MACROD2: variants seen among roughly 807,000 people sequenced by gnomAD.
MACROD2 encodes the protein mono-ADP ribosylhydrolase 2.
Under a neutral mutation model 70.4 loss-of-function variants are expected in MACROD2, and 36 were observed. That is an observed-to-expected ratio of 0.51 (90% CI 0.39 to 0.68). The LOEUF is 0.68. Among genes scored for constraint, MACROD2 ranks in the 30% least tolerant of loss-of-function variants. MACROD2 has a pLI of 0.00. For synonymous variants in MACROD2, 172 were observed against 178.8 expected (o/e 0.96, Z 0.30); for missense variants, 496 against 538.4 (o/e 0.92, Z 0.78).
chr20:15,034,651 T>G (rs2075299661), intron 5 of MACROD2, among the ~76,000 whole-genome samples: 2 of 152,194 alleles, frequency 1.3e-5, no homozygotes, highest in Non-Finnish European at 2.9e-5. Context: ...TAGCATTCAA[T>G]TTGTTTGCCC....
intron 6 of MACROD2, among the ~76,000 whole-genome samples, chr20:15,312,833 A>G (rs912161843): frequency 6.6e-6 from 1 of 152,138 alleles, no homozygotes; most frequent in Admixed American, 6.5e-5. Context: ...ATGTGTGTGT[A>G]TATATGTGTG....
intron 9 of MACROD2, among the ~76,000 whole-genome samples, chr20:15,863,303 A>T (rs1308513633): frequency 6.6e-6 from 1 of 152,116 alleles, no homozygotes; most frequent in East Asian, 1.9e-4. Flanking sequence ...TCCAAATTTC[A>T]ATGCCTATAG....
chr20:14,803,530 G>A (rs1002475915), intron 5 of MACROD2, among the ~76,000 whole-genome samples: 18 of 152,002 alleles, frequency 1.2e-4, no homozygotes, highest in Non-Finnish European at 2.9e-5. Flanking sequence ...GCCCAGGCTG[G>A]AGTTCAATGG....
intron 5 of MACROD2, among the ~76,000 whole-genome samples, chr20:14,891,146 T>C (rs1284171227): frequency 1.3e-5 from 2 of 152,134 alleles, no homozygotes; most frequent in African/African-American, 4.8e-5. Flanking sequence ...CAGTATGATT[T>C]TAATGAATCC....
At chr20:15,082,833 T>C (rs1347624530) in intron 5 of MACROD2, among the ~76,000 whole-genome samples, 1 of 152,118 alleles carries the variant, frequency 6.6e-6, no homozygotes, top group Non-Finnish European at 1.5e-5. Flanking sequence ...TTTTCTGCAA[T>C]AGAAATAACA....
Position 14,452,096 on chromosome 20 carries a change from C to A in MACROD2, c.272-41383C>A, listed in dbSNP as rs1305401277. Among the ~76,000 whole-genome samples, 3 of 152,098 alleles carry A rather than the reference C, an allele frequency of 2.0e-5. No individual in the cohort carries two copies. The East Asian group carries it at 5.8e-4, about 29-fold the overall frequency. ...ATTTCTGACCCAGAGGCTTCTGATTCTTCTATCTACTGATGGAATGGAGAA... is the reference window on the plus strand; with the variant it reads ...ATTTCTGACCCAGAGGCTTCTGATTATTCTATCTACTGATGGAATGGAGAA... On this transcript the variant is annotated intron_variant, in intron 3 of 17. Coordinates refer to ENST00000684519, the MANE Select transcript of MACROD2 (RefSeq NM_001351661.2).
intron 7 of MACROD2, among the ~76,000 whole-genome samples, chr20:15,493,479 A>G (rs1157874631): frequency 6.6e-6 from 1 of 152,266 alleles, no homozygotes; most frequent in Admixed American, 6.5e-5. Context: ...AGTTTAAAAC[A>G]AAAGCTAATC....
chr20:14,062,736 C>G (rs942897164), intron 2 of MACROD2, among the ~76,000 whole-genome samples: 7 of 152,056 alleles, frequency 4.6e-5, no homozygotes, highest in African/African-American at 1.7e-4. Context: ...GATTTAGAGA[C>G]TAGTTGGATG....
chr20:14,860,032 T>G (rs1368143910), intron 5 of MACROD2, among the ~76,000 whole-genome samples: 2 of 152,136 alleles, frequency 1.3e-5, no homozygotes, highest in Non-Finnish European at 2.9e-5. Flanking sequence ...GTTAAATAAG[T>G]GAACACATAA....
chr20:14,185,339 T>A (rs1055721898), intron 3 of MACROD2, among the ~76,000 whole-genome samples: 8 of 151,980 alleles, frequency 5.3e-5, no homozygotes, highest in Non-Finnish European at 4.4e-5. Context: ...TTCATGTTCC[T>A]TGGAAGGACT....
intron 2 of MACROD2, among the ~76,000 whole-genome samples, chr20:14,047,687 T>C (rs1027169477): frequency 9.2e-5 from 14 of 152,138 alleles, no homozygotes; most frequent in African/African-American, 3.1e-4. Context: ...TTGAAATTTC[T>C]CAGAAAGTAC....
At chr20:14,750,225 C>T (rs2071852204) in intron 5 of MACROD2, among the ~76,000 whole-genome samples, 1 of 151,982 alleles carries the variant, frequency 6.6e-6, no homozygotes, top group Non-Finnish European at 1.5e-5. Flanking sequence ...TGTATTTTAT[C>T]ATATAAACTC....
intron 8 of MACROD2, among the ~76,000 whole-genome samples, chr20:15,756,356 T>C (rs1463569307): frequency 2.6e-5 from 4 of 152,196 alleles, no homozygotes; most frequent in Admixed American, 2.0e-4. Context: ...TGTTTTATAA[T>C]GTATTCAGTT....
intron 7 of MACROD2, among the ~76,000 whole-genome samples, chr20:15,461,006 A>ATATATATATATTTTTTTTTT: frequency 5.8e-4 from 39 of 66,996 alleles, no homozygotes; most frequent in East Asian, 1.2e-3. Flanking sequence ...ATATATATAT[A>ATATATATATATTTTTTTTTT]TTTTTTTTTA....
At chr20:13,997,469 T>C (rs2052679069) in intron 1 of MACROD2, among the ~76,000 whole-genome samples, 1 of 152,218 alleles carries the variant, frequency 6.6e-6, no homozygotes, top group Non-Finnish European at 1.5e-5. Context: ...TTCAGTAACA[T>C]GAATCATTGA....
intron 6 of MACROD2, among the ~76,000 whole-genome samples, chr20:15,386,273 T>C (rs2045711661): frequency 6.6e-6 from 1 of 152,212 alleles, no homozygotes; most frequent in African/African-American, 2.4e-5. Flanking sequence ...TCAACAATAG[T>C]TCAACTTACA....
intron 5 of MACROD2, among the ~76,000 whole-genome samples, chr20:15,174,929 T>C (rs1219803361): frequency 6.6e-6 from 1 of 152,032 alleles, no homozygotes; most frequent in Admixed American, 6.6e-5. Context: ...GAGTAGGTTG[T>C]GAAAATTTTC....
At chr20:15,259,397 A>C (rs2077228592) in intron 6 of MACROD2, among the ~76,000 whole-genome samples, 1 of 152,040 alleles carries the variant, frequency 6.6e-6, no homozygotes, top group African/African-American at 2.4e-5. Context: ...GGTAAATCCC[A>C]AGAACCATTT....
intron 3 of MACROD2, among the ~76,000 whole-genome samples, chr20:14,334,823 A>C (rs2082908555): frequency 6.6e-6 from 1 of 151,998 alleles, no homozygotes; most frequent in African/African-American, 2.4e-5. Context: ...ATGGGTTTGA[A>C]TAAAAGAATA....
Sources: gnomAD v4.1 joint callset for allele counts (sites outside exome capture counted in the v4.1 genomes callset) on GRCh38, gnomAD v4.1.1 for gene constraint, MANE v1.5 for transcripts, NCBI Gene and HGNC (gene_info 2026-07-23, HGNC 2026-07-21) for gene names.